CNTN5: variants seen among roughly 807,000 people sequenced by gnomAD.
The protein encoded by CNTN5 is contactin-5.
A neutral mutation model predicts 129.1 loss-of-function variants in CNTN5; 77 were observed. The ratio of observed to expected loss-of-function variants is 0.60; its 90% CI spans 0.50 to 0.72. The LOEUF is 0.72. Among genes scored for constraint, CNTN5 ranks in the 30% least tolerant of loss-of-function variants. The probability of loss-of-function intolerance (pLI) is 0.00; values close to 1 mark genes in which losing one functional copy is unlikely to be tolerated. For missense variants in CNTN5, 1,478 were observed against 1,328.8 expected, an observed-to-expected ratio of 1.11 and a Z score of -1.75; for synonymous variants, 509 against 465.6, an observed-to-expected ratio of 1.09 and a Z score of -1.20.
At chr11:99,955,621 A>T (rs1056639452) in intron 7 of CNTN5, among the ~76,000 whole-genome samples, 6 of 151,974 alleles carry the variant, frequency 3.9e-5, no homozygotes, top group African/African-American at 1.4e-4. Context: ...GTGCAGCGGC[A>T]TGACCTCGGC....
intron 2 of CNTN5, among the ~76,000 whole-genome samples, chr11:99,471,234 C>G (rs1945160003): frequency 6.6e-6 from 1 of 151,918 alleles, no homozygotes; most frequent in Non-Finnish European, 1.5e-5. Context: ...TATTTTATAC[C>G]CCCATAAAGT....
intron 13 of CNTN5, among the ~76,000 whole-genome samples, chr11:100,092,115 T>C (rs1430997166): frequency 6.6e-6 from 1 of 152,138 alleles, no homozygotes; most frequent in East Asian, 1.9e-4. Context: ...TAAAATAGCA[T>C]GGAAATTGAA....
chr11:100,209,394 C>G (rs1029817944), intron 15 of CNTN5, among the ~76,000 whole-genome samples: 1 of 152,068 alleles, frequency 6.6e-6, no homozygotes, highest in East Asian at 1.9e-4. Flanking sequence ...TGAATGGATC[C>G]TTTTTTACTG....
chr11:99,817,601 T>TTTTG (rs1184071083), intron 3 of CNTN5, among the ~76,000 whole-genome samples: 1 of 145,030 alleles, frequency 6.9e-6, no homozygotes, highest in Non-Finnish European at 1.5e-5. Context: ...GGATAGTTTT[T>TTTTG]TTTTTTTTTT....
intron 6 of CNTN5, among the ~76,000 whole-genome samples, chr11:99,890,320 C>T (rs79941544): frequency 0.063 from 9,569 of 151,952 alleles, 597 homozygotes; most frequent in East Asian, 0.28. Context: ...TATAAAATAT[C>T]TATGAATCAT....
chr11:99,180,492 G>A (rs1401794667), intron 1 of CNTN5, among the ~76,000 whole-genome samples: 1 of 152,112 alleles, frequency 6.6e-6, no homozygotes, highest in Non-Finnish European at 1.5e-5. Flanking sequence ...ACACAAAAAG[G>A]TCAACTTGTT....
At chr11:99,284,533 G>A (rs1049086302) in intron 1 of CNTN5, among the ~76,000 whole-genome samples, 1 of 150,610 alleles carries the variant, frequency 6.6e-6, no homozygotes, top group African/African-American at 2.4e-5. Flanking sequence ...GTCTATTTAG[G>A]ACCTTAGGAA....
chr11:100,030,025 C>G (rs1941626626), intron 9 of CNTN5, among the ~76,000 whole-genome samples: 1 of 152,134 alleles, frequency 6.6e-6, no homozygotes, highest in South Asian at 2.1e-4. Context: ...ATAAACTGTT[C>G]TGTGCTCTAC....
At chr11:100,012,408 T>C (rs1940587100) in intron 9 of CNTN5, among the ~76,000 whole-genome samples, 1 of 152,196 alleles carries the variant, frequency 6.6e-6, no homozygotes, top group Admixed American at 6.6e-5. Context: ...TCTTGACGTG[T>C]TCAACATTCT....
At chr11:99,777,623 T>C (rs547235640) in intron 3 of CNTN5, among the ~76,000 whole-genome samples, 2 of 151,966 alleles carry the variant, frequency 1.3e-5, no homozygotes, top group South Asian at 4.1e-4. Context: ...ACAGTTTTTT[T>C]CTGTTAGACT....
intron 2 of CNTN5, among the ~76,000 whole-genome samples, chr11:99,398,959 T>A (rs938923686): frequency 6.6e-6 from 1 of 151,854 alleles, no homozygotes; most frequent in Admixed American, 6.6e-5. Flanking sequence ...CTCCTGCACA[T>A]CCTTTCTGTC....
intron 1 of CNTN5, among the ~76,000 whole-genome samples, chr11:99,240,247 A>C (rs576003906): frequency 6.6e-6 from 1 of 152,252 alleles, no homozygotes; most frequent in East Asian, 1.9e-4. Context: ...TGATCCTAAA[A>C]GTGTGGGGAC....
At chr11:99,816,748 A>C (rs539032079) in intron 3 of CNTN5, among the ~76,000 whole-genome samples, 6 of 152,182 alleles carry the variant, frequency 3.9e-5, no homozygotes, top group Non-Finnish European at 7.3e-5. Context: ...GTTTAACATG[A>C]CATGCTAGAC....
At chr11:99,602,392 G>A (rs11220603) in intron 3 of CNTN5, among the ~76,000 whole-genome samples, 17,892 of 152,022 alleles carry the variant, frequency 0.12, 1,251 homozygotes, top group Non-Finnish European at 0.16. Context: ...AGAGGAAAGC[G>A]CAGTGTTTAC....
chr11:99,657,626 C>T (rs1952426515), intron 3 of CNTN5, among the ~76,000 whole-genome samples: 1 of 151,776 alleles, frequency 6.6e-6, no homozygotes, highest in African/African-American at 2.4e-5. Flanking sequence ...TTTTAAAAAC[C>T]TGAGTCTTTT....
chr11:99,338,716 C>A (rs990393878), intron 2 of CNTN5, among the ~76,000 whole-genome samples: 1 of 151,580 alleles, frequency 6.6e-6, no homozygotes, highest in Middle Eastern at 3.4e-3. Context: ...CTTCCATTTT[C>A]TTTTCTTATT....
intron 3 of CNTN5, among the ~76,000 whole-genome samples, chr11:99,755,529 T>C (rs1944378344): frequency 6.6e-6 from 1 of 152,178 alleles, no homozygotes; most frequent in African/African-American, 2.4e-5. Flanking sequence ...TCTTTTTTAG[T>C]GAATTCTTTT....
chr11:99,537,315 A>G (rs1175691382), intron 2 of CNTN5, among the ~76,000 whole-genome samples: 2 of 152,178 alleles, frequency 1.3e-5, no homozygotes, highest in African/African-American at 4.8e-5. Flanking sequence ...CAAGCAAATA[A>G]ATCGTCTTAA....
At chr11:99,671,161 T>TA (rs1565410840) in intron 3 of CNTN5, among the ~76,000 whole-genome samples, 1 of 152,070 alleles carries the variant, frequency 6.6e-6, no homozygotes, top group African/African-American at 2.4e-5. Context: ...TTTTTTTTTT[T>TA]ATGTGTTACC....
Sources: gnomAD v4.1 joint callset for allele counts (sites outside exome capture counted in the v4.1 genomes callset) on GRCh38, gnomAD v4.1.1 for gene constraint, MANE v1.5 for transcripts, NCBI Gene and HGNC (gene_info 2026-07-23, HGNC 2026-07-21) for gene names.